The following MACROD2 variants were observed in gnomAD, a reference collection of about 807,000 sequenced individuals.
MACROD2 encodes ADP-ribose glycohydrolase MACROD2.
A neutral mutation model predicts 70.4 loss-of-function variants in MACROD2; 36 were observed. The ratio of observed to expected loss-of-function variants is 0.51; its 90% CI spans 0.39 to 0.68. MACROD2 has a LOEUF of 0.68. Among genes scored for constraint, MACROD2 ranks in the 30% least tolerant of loss-of-function variants. MACROD2 has a pLI of 0.00. For synonymous variants in MACROD2, 172 were observed against 178.8 expected (o/e 0.96, Z 0.30); for missense variants, 496 against 538.4 (o/e 0.92, Z 0.78).
intron 4 of MACROD2, among the ~76,000 whole-genome samples, chr20:14,636,255 A>G (rs868358396): frequency 6.6e-6 from 1 of 152,044 alleles, no homozygotes; most frequent in Non-Finnish European, 1.5e-5. Flanking sequence ...CCTCCATATC[A>G]ATGTCACGCC....
chr20:15,124,233 A>AAGTG (rs58959533), intron 5 of MACROD2, among the ~76,000 whole-genome samples: 42,224 of 151,638 alleles, frequency 0.28, 7,074 homozygotes, highest in Non-Finnish European at 0.39. Flanking sequence ...CAGTCAAAAG[A>AAGTG]AGTAATTTTA....
At chr20:14,843,756 A>T (rs908506590) in intron 5 of MACROD2, among the ~76,000 whole-genome samples, 1 of 152,132 alleles carries the variant, frequency 6.6e-6, no homozygotes, top group African/African-American at 2.4e-5. Flanking sequence ...ATTTGGCCCA[A>T]ACTGGCTTCT....
intron 8 of MACROD2, among the ~76,000 whole-genome samples, chr20:15,646,609 G>A (rs780063154): frequency 5.3e-5 from 8 of 152,114 alleles, no homozygotes; most frequent in Non-Finnish European, 1.0e-4. Flanking sequence ...CATATAGTCC[G>A]CACGTATCGA....
In MACROD2 at chr20:14,076,847, T is replaced by C. The variant is rs551054009; in HGVS notation, c.164-8774T>C. On this transcript the variant is annotated intron_variant, in intron 2 of 17. Coordinates refer to ENST00000684519, the MANE Select transcript of MACROD2 (RefSeq NM_001351661.2). ...TAGGTTTGCTGATCAGATAAACTTA[T>C]GTCTACTAGATATTTAAGATTATAA... Among the ~76,000 whole-genome samples, 498 of 152,348 alleles carry C rather than the reference T, an allele frequency of 3.3e-3. 2 individuals carry two copies. The highest frequency in any genetic ancestry group is 0.011 in the African/African-American group (467 of 41,578).
At chr20:14,916,674 G>GGAGA (rs1161095542) in intron 5 of MACROD2, among the ~76,000 whole-genome samples, 1 of 152,158 alleles carries the variant, frequency 6.6e-6, no homozygotes, top group Admixed American at 6.5e-5. Flanking sequence ...GCAATTGTAA[G>GGAGA]GAGAGATGTG....
chr20:15,180,308 T>C (rs866781394), intron 5 of MACROD2, among the ~76,000 whole-genome samples: 1 of 152,256 alleles, frequency 6.6e-6, no homozygotes, highest in South Asian at 2.1e-4. Flanking sequence ...TACTTTTTTT[T>C]ATCCGTTTAG....
intron 4 of MACROD2, among the ~76,000 whole-genome samples, chr20:14,596,004 TG>T (rs1249354220): frequency 9.9e-5 from 15 of 152,188 alleles, no homozygotes; most frequent in Non-Finnish European, 2.1e-4. Flanking sequence ...ATTGCTTGAA[TG>T]GGTTTAATAT....
At chr20:15,203,045 A>G (rs2076670500) in intron 5 of MACROD2, among the ~76,000 whole-genome samples, 1 of 152,144 alleles carries the variant, frequency 6.6e-6, no homozygotes, top group Non-Finnish European at 1.5e-5. Flanking sequence ...AATCCCTGCC[A>G]CAATTCTTTG....
At chr20:14,329,303 A>G (rs2082791996) in intron 3 of MACROD2, 1 of 152,136 alleles carries the variant, frequency 6.6e-6, no homozygotes, top group Non-Finnish European at 1.5e-5. Context: ...TCTCTTCCTT[A>G]AAATATACTG....
chr20:14,679,254 A>G (rs1401721893), intron 4 of MACROD2, among the ~76,000 whole-genome samples: 1 of 152,234 alleles, frequency 6.6e-6, no homozygotes, highest in East Asian at 1.9e-4. Flanking sequence ...GTTTCTTAAA[A>G]GAGAAAACAT....
intron 5 of MACROD2, among the ~76,000 whole-genome samples, chr20:14,937,950 A>G (rs1028903617): frequency 3.4e-5 from 5 of 146,932 alleles, no homozygotes; most frequent in African/African-American, 1.3e-4. Flanking sequence ...TGCTTGGCTT[A>G]TTTCACTTAA....
At chr20:14,537,111 A>T (rs1204632490) in intron 4 of MACROD2, among the ~76,000 whole-genome samples, 5 of 152,114 alleles carry the variant, frequency 3.3e-5, no homozygotes, top group Non-Finnish European at 7.4e-5. Context: ...CCTGGGATTG[A>T]TCACTGGGAT....
At chr20:15,772,434 C>T (rs552133653) in intron 8 of MACROD2, among the ~76,000 whole-genome samples, 9 of 152,064 alleles carry the variant, frequency 5.9e-5, no homozygotes, top group Non-Finnish European at 7.4e-5. Context: ...GTTTCTAGGT[C>T]ATTTAACTCT....
chr20:15,527,976 A>G (rs953809227), intron 8 of MACROD2, among the ~76,000 whole-genome samples: 6 of 152,212 alleles, frequency 3.9e-5, no homozygotes, highest in African/African-American at 1.4e-4. Flanking sequence ...TATAAAGACA[A>G]GGATTTTTGA....
intron 5 of MACROD2, among the ~76,000 whole-genome samples, chr20:15,085,226 T>C (rs1311541779): frequency 6.6e-6 from 1 of 151,992 alleles, no homozygotes; most frequent in African/African-American, 2.4e-5. Context: ...TCACATCATA[T>C]ATAAAAATTA....
chr20:16,038,045 C>CT (rs57617707), intron 15 of MACROD2, among the ~76,000 whole-genome samples: 1,735 of 146,786 alleles, frequency 0.012, 11 homozygotes, highest in Non-Finnish European at 0.017. Context: ...ATTTGAAAAT[C>CT]TTTTTTTTTT....
chr20:14,070,906 A>G (rs2053828529), intron 2 of MACROD2, among the ~76,000 whole-genome samples: 1 of 152,154 alleles, frequency 6.6e-6, no homozygotes, highest in East Asian at 1.9e-4. Flanking sequence ...GGACCTACTG[A>G]TGGTCTTCCA....
chr20:15,120,108 C>G (rs1260326615), intron 5 of MACROD2, among the ~76,000 whole-genome samples: 2 of 152,172 alleles, frequency 1.3e-5, no homozygotes, highest in East Asian at 3.8e-4. Flanking sequence ...CAGACACATC[C>G]TAAATTAACT....
At chr20:15,055,077 G>T (rs963400969) in intron 5 of MACROD2, among the ~76,000 whole-genome samples, 1 of 150,462 alleles carries the variant, frequency 6.6e-6, no homozygotes, top group African/African-American at 2.5e-5. Context: ...AGCCTCCCAA[G>T]TAGCTGGGAT....
Sources: gnomAD v4.1 joint callset for allele counts (sites outside exome capture counted in the v4.1 genomes callset) on GRCh38, gnomAD v4.1.1 for gene constraint, MANE v1.5 for transcripts, NCBI Gene and HGNC (gene_info 2026-07-23, HGNC 2026-07-21) for gene names.